PPFIA1: variants seen among roughly 807,000 people sequenced by gnomAD.
PPFIA1 encodes liprin-alpha-1.
Under a neutral mutation model 149.9 loss-of-function variants are expected in PPFIA1, and 25 were observed. The observed-to-expected ratio is 0.17, with a 90% CI of 0.12 to 0.23. The LOEUF is 0.23. Among genes scored for constraint, PPFIA1 ranks in the 10% least tolerant of loss-of-function variants. The pLI is 1.00. For synonymous variants in PPFIA1, 549 were observed against 552.8 expected (o/e 0.99, Z 0.10); for missense variants, 1,362 against 1,506.5 (o/e 0.90, Z 1.59).
intron 9 of PPFIA1, chr11:70,333,062 C>G (rs1240597157): frequency 2.2e-6 from 1 of 459,278 alleles, no homozygotes; most frequent in East Asian, 6.9e-5. Flanking sequence ...GCTAAGGAAG[C>G]TAAACTGTTG....
chr11:70,325,662 T>A, intron 5 of PPFIA1, 88 bp downstream of exon 5: 1 of 1,063,794 alleles, frequency 9.4e-7, no homozygotes, highest in Non-Finnish European at 1.4e-6. Flanking sequence ...CCAGACGTGG[T>A]GGCTCACACC....
chr11:70,367,553 G>C (rs767032785), intron 21 of PPFIA1: 22 of 455,932 alleles, frequency 4.8e-5, no homozygotes, highest in Non-Finnish European at 8.8e-5. Context: ...GTCTCTTCTA[G>C]TTCAGATGTT....
At chr11:70,365,688 C>A (rs2056888213) in intron 21 of PPFIA1, 2 of 354,156 alleles carry the variant, frequency 5.6e-6, no homozygotes, top group South Asian at 4.4e-5. Context: ...GGAGAGATCT[C>A]AGTTGAGCCT....
rs116778639 is a variant in PPFIA1, at chr11:70,349,285, A to T, written c.2163+865A>T. 4.6e-3 allele frequency among the ~76,000 whole-genome samples: 694 copies of T among 152,110 alleles called. 10 individuals carry two copies. Among genetic ancestry groups the T allele is most frequent in the African/African-American group, 0.016 (652 of 41,524 alleles). ...TCACCTCTCACCTGGAAATGCAATG[A>T]CCTTCTGGTGTTTGGTGTTTGCAAA... is the stretch of plus-strand genomic sequence containing the variant. On this transcript the variant is annotated intron_variant, in intron 16 of 27. Coordinates refer to ENST00000253925, the MANE Select transcript of PPFIA1 (RefSeq NM_003626.5).
At chr11:70,343,922 C>A in intron 15 of PPFIA1, 30 bp downstream of exon 15, 1 of 1,559,260 alleles carries the variant, frequency 6.4e-7, no homozygotes. Flanking sequence ...ACACTCACCA[C>A]ACGCATGGGT....
rs148865428 is a variant in PPFIA1, at chr11:70,272,524, G to A, written c.264+88G>A. ...CATCTTTTGTTAATGTTTCAGATGAGTATTTTCCGTAACGATTTGTGAAAT... is the reference window on the plus strand; with the variant it reads ...CATCTTTTGTTAATGTTTCAGATGAATATTTTCCGTAACGATTTGTGAAAT... On this transcript the variant is annotated intron_variant, in intron 2 of 27. Coordinates refer to ENST00000253925, the MANE Select transcript of PPFIA1 (RefSeq NM_003626.5). 9.1e-3 allele frequency: 12,576 copies of A among 1,379,766 alleles called. 106 individuals carry two copies. Among genetic ancestry groups the A allele is most frequent in the Middle Eastern group, 0.04 (193 of 4,850 alleles). The allele number at this position is 1,379,766 out of a possible 1,614,324, so 85.5% of individuals were successfully genotyped here.
In PPFIA1 at chr11:70,343,566, C is replaced by A. The variant is rs1351478719; in HGVS notation, c.1708-103C>A. On this transcript the variant is annotated intron_variant, in intron 14 of 27. Coordinates refer to ENST00000253925, the MANE Select transcript of PPFIA1 (RefSeq NM_003626.5). ...TAAGCATGGCCCATCTTTCTAAAAT[C>A]TTTTGGGCTTTCATTAAAGAATTCC... 45 of 1,028,030 alleles carry A rather than the reference C, an allele frequency of 4.4e-5. No individual in the cohort carries two copies. In the East Asian group the frequency reaches 4.9e-4, roughly 11 times the overall value. 63.7% of individuals were successfully genotyped at this position (1,028,030 alleles called of 1,614,324 possible).
At chr11:70,321,892 G>T (rs565364538) in intron 2 of PPFIA1, among the ~76,000 whole-genome samples, 3 of 152,176 alleles carry the variant, frequency 2.0e-5, no homozygotes, top group Non-Finnish European at 4.4e-5. Context: ...TTTTTGAGAT[G>T]GAGTTTCGCT....
chr11:70,361,989 G>T lies in PPFIA1; in HGVS notation c.2583-106G>T, dbSNP rs914537169. 4 of 1,001,050 alleles carry T rather than the reference G, an allele frequency of 4.0e-6. No homozygotes were observed. The African/African-American group carries it at 6.3e-5, about 16-fold the overall frequency. 62.0% of individuals were successfully genotyped at this position (1,001,050 alleles called of 1,614,324 possible). On this transcript the variant is annotated intron_variant, in intron 19 of 27. Coordinates refer to ENST00000253925, the MANE Select transcript of PPFIA1 (RefSeq NM_003626.5). ...TTGTCTAGGCTGGTCTTGAACTCCT[G>T]GGCTCAAGTGGTCCTCCTGCCTTGG...
intron 23 of PPFIA1, chr11:70,373,942 G>C (rs1268263206): frequency 6.6e-6 from 1 of 152,270 alleles, no homozygotes; most frequent in East Asian, 1.9e-4. Flanking sequence ...TTTGTTTTCT[G>C]TATCTATTTT....
Position 70,348,175 on chromosome 11 carries a change from T to C in PPFIA1, c.1932-14T>C, listed in dbSNP as rs369585611. 2.0e-5 allele frequency: 32 copies of C among 1,613,284 alleles called. No individual in the cohort carries two copies. The African/African-American group carries it at 3.9e-4, about 19-fold the overall frequency. On this transcript the variant is annotated splice_polypyrimidine_tract_variant and intron_variant, in intron 15 of 27. Coordinates refer to ENST00000253925, the MANE Select transcript of PPFIA1 (RefSeq NM_003626.5). ...GCCGAAACAGGAGGACTGACTGCTT[T>C]TGTTTTATTTTAGGTTGATTCAGGA...
chr11:70,379,196 A>G (rs2057604659), intron 26 of PPFIA1, among the ~76,000 whole-genome samples: 1 of 152,146 alleles, frequency 6.6e-6, no homozygotes, highest in Non-Finnish European at 1.5e-5. Flanking sequence ...CAGTGAGCAG[A>G]CTGGAGGAAA....
At position 70,330,260 on chromosome 11, in the gene PPFIA1, C is replaced by T; in HGVS notation, c.1018C>T (p.His340Tyr). 2 of 1,593,824 alleles carry T rather than the reference C, an allele frequency of 1.3e-6. No homozygotes were observed. The highest frequency in any genetic ancestry group is 1.1e-5 in the South Asian group (1 of 86,996). Residue 340 changes from histidine to tyrosine, a missense_variant, in exon 8 of 28, where the codon CAT becomes TAT. His to Tyr is a moderately conservative substitution (Grantham distance 83). This residue lies in a region of PPFIA1 where 733 missense variants were observed against 744.1 expected (regional missense o/e 0.99). Coordinates refer to ENST00000253925, the MANE Select transcript of PPFIA1 (RefSeq NM_003626.5). ...LAAQREATSV[H>Y]DLNDKLENEI... ...TGCACAGCGTGAAGCCACATCTGTG[C>T]ATGACCTCAATGATAAACTTGAAAA...
chr11:70,296,104 C>T (rs2051988693), intron 2 of PPFIA1, among the ~76,000 whole-genome samples: 1 of 151,936 alleles, frequency 6.6e-6, no homozygotes, highest in African/African-American at 2.4e-5. Context: ...CAGAGACGCT[C>T]CTCACTTCCT....
chr11:70,372,715 G>A (rs1565462829), intron 23 of PPFIA1, 141 bp downstream of exon 23: 4 of 634,784 alleles, frequency 6.3e-6, no homozygotes, highest in Admixed American at 2.9e-5. Context: ...TCATTGCAGA[G>A]GAGGGCTGGA....
intron 2 of PPFIA1, among the ~76,000 whole-genome samples, chr11:70,312,593 G>A (rs2136548300): frequency 6.6e-6 from 1 of 152,326 alleles, no homozygotes; most frequent in African/African-American, 2.4e-5. Context: ...CAGCTCCACA[G>A]GTGGTTACTG....
At chr11:70,365,446 C>T (rs1338681598) in intron 21 of PPFIA1, 1 of 456,628 alleles carries the variant, frequency 2.2e-6, no homozygotes, top group Admixed American at 2.3e-5. Flanking sequence ...GTTAGTCACG[C>T]CCCACAGCCT....
At chr11:70,306,875 C>T (rs2052890720) in intron 2 of PPFIA1, among the ~76,000 whole-genome samples, 2 of 152,222 alleles carry the variant, frequency 1.3e-5, no homozygotes, top group African/African-American at 4.8e-5. Flanking sequence ...CCTGAGCCTT[C>T]TTTGTTTCCA....
At chr11:70,363,803 C>T (rs963957481) in intron 21 of PPFIA1, among the ~76,000 whole-genome samples, 1 of 152,220 alleles carries the variant, frequency 6.6e-6, no homozygotes, top group African/African-American at 2.4e-5. Flanking sequence ...TGTGAGCCAC[C>T]ATGCCCAGCC....
Sources: gnomAD v4.1 joint callset for allele counts (sites outside exome capture counted in the v4.1 genomes callset) on GRCh38, gnomAD v4.1.1 for gene constraint, gnomAD v4.1.1 regional missense constraint, MANE v1.5 for transcripts, NCBI Gene and HGNC (gene_info 2026-07-23, HGNC 2026-07-21) for gene names.